Variants in SND1 observed in about 807,000 individuals in gnomAD.
The protein encoded by SND1 is staphylococcal nuclease and tudor domain containing 1.
Under a neutral mutation model 121.7 loss-of-function variants are expected in SND1, and 38 were observed. The ratio of observed to expected loss-of-function variants is 0.31; its 90% CI spans 0.24 to 0.41. The LOEUF (loss-of-function observed/expected upper bound fraction) is 0.41, where lower values mean the gene tolerates loss of function less well. SND1 is among the 10% of genes least tolerant of loss of function. The pLI, the probability that SND1 is intolerant of heterozygous loss-of-function variation, is 1.00. For missense variants in SND1, 868 were observed against 1,184.6 expected (o/e 0.73, Z 3.92); for synonymous variants, 401 against 447.4 (o/e 0.90, Z 1.31).
At chr7:127,884,484 G>A (rs897944583) in intron 12 of SND1, among the ~76,000 whole-genome samples, 4 of 152,090 alleles carry the variant, frequency 2.6e-5, no homozygotes, top group East Asian at 1.9e-4. Flanking sequence ...ATAGCGGAGC[G>A]CAACAGAGAT....
intron 13 of SND1, among the ~76,000 whole-genome samples, chr7:127,902,889 A>AT (rs1158490326): frequency 2.9e-4 from 43 of 147,120 alleles, no homozygotes; most frequent in African/African-American, 1.0e-3. Flanking sequence ...GATTTATTTT[A>AT]TTTTATTTTT....
At chr7:127,862,216 A>G (rs1038795927) in intron 12 of SND1, among the ~76,000 whole-genome samples, 1 of 152,210 alleles carries the variant, frequency 6.6e-6, no homozygotes, top group African/African-American at 2.4e-5. Flanking sequence ...TTATTCTACA[A>G]CTTTTCTAAA....
At chr7:127,861,371 C>G (rs1338297645) in intron 12 of SND1, among the ~76,000 whole-genome samples, 1 of 152,134 alleles carries the variant, frequency 6.6e-6, no homozygotes, top group East Asian at 1.9e-4. Flanking sequence ...TTTTCTATAC[C>G]TCATCTTGCA....
At chr7:127,992,358 A>T (rs1326739474) in intron 16 of SND1, among the ~76,000 whole-genome samples, 1 of 152,226 alleles carries the variant, frequency 6.6e-6, no homozygotes. Flanking sequence ...CAAACACTCC[A>T]GTTGTCTATA....
At chr7:128,060,761 G>T (rs924094900) in intron 16 of SND1, among the ~76,000 whole-genome samples, 4 of 152,196 alleles carry the variant, frequency 2.6e-5, no homozygotes, top group Admixed American at 6.5e-5. Flanking sequence ...GGGAAGAGTG[G>T]CATCCAGGTG....
chr7:127,834,926 A>AT (rs1798837981), intron 11 of SND1, among the ~76,000 whole-genome samples: 1 of 152,096 alleles, frequency 6.6e-6, no homozygotes, highest in Non-Finnish European at 1.5e-5. Context: ...AGTGCTCTGA[A>AT]TTGTAGTCAA....
chr7:127,741,361 C>G (rs900082045), intron 10 of SND1, among the ~76,000 whole-genome samples: 1 of 152,150 alleles, frequency 6.6e-6, no homozygotes, highest in Non-Finnish European at 1.5e-5. Context: ...CCTTGAAATG[C>G]CCTTTTCCCC....
chr7:127,698,967 A>C lies in SND1; in HGVS notation c.428+14A>C. The stretch of plus-strand genomic sequence containing the variant: ...GAGAGCTAATAAGTAAGTATTCATT[A>C]CTCCGCTGTCTCTCTGACAGCGGTA... On this transcript the variant is annotated intron_variant, in intron 4 of 23. Transcript: ENST00000354725. The C allele has an allele frequency of 6.2e-7, 1 of 1,606,028 alleles. No individual in the cohort carries two copies. Among genetic ancestry groups the C allele is most frequent in the Non-Finnish European group, 8.5e-7 (1 of 1,172,992 alleles).
At chr7:127,822,504 T>C (rs1333884135) in intron 11 of SND1, among the ~76,000 whole-genome samples, 1 of 152,218 alleles carries the variant, frequency 6.6e-6, no homozygotes. Context: ...TTGTTTATGA[T>C]ACTGCATTTT....
chr7:127,693,511 T>C (rs1795956910), intron 2 of SND1, among the ~76,000 whole-genome samples: 1 of 152,190 alleles, frequency 6.6e-6, no homozygotes, highest in Non-Finnish European at 1.5e-5. Context: ...CACCTTTTGA[T>C]TGGTTTCTGG....
At chr7:127,875,283 C>T (rs1186663510) in intron 12 of SND1, among the ~76,000 whole-genome samples, 1 of 152,110 alleles carries the variant, frequency 6.6e-6, no homozygotes, top group East Asian at 1.9e-4. Context: ...AAGTGTTTTG[C>T]TCTTCTTGGA....
At chr7:127,971,839 C>A (rs1388728252) in intron 15 of SND1, among the ~76,000 whole-genome samples, 1 of 146,780 alleles carries the variant, frequency 6.8e-6, no homozygotes, top group Non-Finnish European at 1.5e-5. Flanking sequence ...GTGGTGCGAT[C>A]TCAGCTCACT....
chr7:127,786,688 G>A (rs979538507), intron 10 of SND1, among the ~76,000 whole-genome samples: 3 of 152,156 alleles, frequency 2.0e-5, no homozygotes, highest in Admixed American at 2.0e-4. Context: ...CTGTCGCCCA[G>A]GCTGGAGTGC....
intron 10 of SND1, among the ~76,000 whole-genome samples, chr7:127,772,574 C>G (rs1040726916): frequency 6.6e-6 from 1 of 152,138 alleles, no homozygotes; most frequent in South Asian, 2.1e-4. Context: ...GTCAGAAATC[C>G]TCAAAAAATA....
intron 15 of SND1, among the ~76,000 whole-genome samples, chr7:127,970,501 C>T (rs1247826436): frequency 2.6e-5 from 4 of 152,094 alleles, no homozygotes; most frequent in African/African-American, 9.7e-5. Context: ...CTGTCACTGT[C>T]TTTTCCTTTT....
At chr7:127,825,172 G>T (rs1230777293) in intron 11 of SND1, among the ~76,000 whole-genome samples, 3 of 152,132 alleles carry the variant, frequency 2.0e-5, no homozygotes, top group African/African-American at 7.2e-5. Flanking sequence ...GTGCAATGGC[G>T]CGATGTGGGC....
At chr7:128,013,355 C>T (rs983805419) in intron 16 of SND1, among the ~76,000 whole-genome samples, 1 of 152,236 alleles carries the variant, frequency 6.6e-6, no homozygotes, top group African/African-American at 2.4e-5. Flanking sequence ...CATCGTTCCC[C>T]AGCACCTGGC....
chr7:127,873,568 C>G (rs769345477), intron 12 of SND1, among the ~76,000 whole-genome samples: 2 of 152,120 alleles, frequency 1.3e-5, no homozygotes, highest in Non-Finnish European at 2.9e-5. Flanking sequence ...GCCTGGGCTC[C>G]GGTGTTTCCT....
rs1799060377 is a variant in SND1 at position 127,846,268 on chromosome 7, A to G, written c.1343+1844A>G. 2.6e-5 allele frequency among the ~76,000 whole-genome samples: 4 copies of G among 152,294 alleles called. No homozygotes were observed. The South Asian group carries it at 8.3e-4, about 32-fold the overall frequency. On this transcript the variant is annotated intron_variant, in intron 12 of 23. Transcript: ENST00000354725. ...AATATTCTTTTTTTTGTGATTTACC[A>G]AAGTAAAATTTTTTTTTTAGAAGTT...
Sources: allele counts gnomAD v4.1 joint callset (sites outside exome capture counted in the v4.1 genomes callset), GRCh38; gene constraint gnomAD v4.1.1; transcripts MANE v1.5; gene names NCBI Gene and HGNC (gene_info 2026-07-23, HGNC 2026-07-21).